CLSTN2: variants seen among roughly 807,000 people sequenced by gnomAD.
CLSTN2 encodes the protein calsyntenin-2.
Under a neutral mutation model 101.2 loss-of-function variants are expected in CLSTN2, and 48 were observed. The ratio of observed to expected loss-of-function variants is 0.47; its 90% confidence interval spans 0.38 to 0.60. The LOEUF is 0.60. Among genes scored for constraint, CLSTN2 ranks in the 20% least tolerant of loss-of-function variants. The probability of loss-of-function intolerance (pLI) is 0.00; values close to 1 mark genes in which losing one functional copy is unlikely to be tolerated. For synonymous variants in CLSTN2, 481 were observed against 463.6 expected, an observed-to-expected ratio of 1.04 and a Z score of -0.48; for missense variants, 1,160 against 1,238.2, an observed-to-expected ratio of 0.94 and a Z score of 0.95.
rs1863859 is a variant in CLSTN2 at position 140,571,366 on chromosome 3, T to C, written c.*5113T>C. On this transcript the variant is annotated 3_prime_UTR_variant, in exon 17 of 17. Coordinates refer to ENST00000458420, the MANE Select transcript of CLSTN2 (RefSeq NM_022131.3). ...GAAGAAAAAAAGACAACTTTTTTTT[T>C]AATCATCCCCACATTTAAATTAACC... is the stretch of plus-strand genomic sequence containing the variant. 6.6e-6 allele frequency: 1 copy of C among 152,252 alleles called. No homozygotes were observed. The highest frequency in any genetic ancestry group is 2.4e-5 in the African/African-American group (1 of 41,464). The allele number at this position is 152,252 out of a possible 1,614,324, so 9.4% of individuals were successfully genotyped here.
chr3:140,181,993 T>A (rs2010415192), intron 2 of CLSTN2, among the ~76,000 whole-genome samples: 1 of 152,214 alleles, frequency 6.6e-6, no homozygotes, highest in Non-Finnish European at 1.5e-5. Context: ...TAAAGAGTGC[T>A]GAATCCCATG....
At chr3:140,017,955 G>T (rs769310724) in intron 1 of CLSTN2, among the ~76,000 whole-genome samples, 1 of 152,216 alleles carries the variant, frequency 6.6e-6, no homozygotes, top group South Asian at 2.1e-4. Context: ...AACTCTGACA[G>T]TGGAGGAAGA....
intron 2 of CLSTN2, among the ~76,000 whole-genome samples, chr3:140,217,372 G>GCTGTAAC (rs1463479761): frequency 6.6e-5 from 10 of 152,274 alleles, no homozygotes; most frequent in African/African-American, 2.2e-4. Context: ...TGCCCAAGGA[G>GCTGTAAC]CTGTAACCTG....
In CLSTN2 at chr3:140,572,273, T is replaced by A. The variant is rs1402501340; in HGVS notation, c.*6020T>A. 1 of 152,248 alleles carries A rather than the reference T, an allele frequency of 6.6e-6. No homozygotes were observed. Among genetic ancestry groups the A allele is most frequent in the Non-Finnish European group, 1.5e-5 (1 of 68,052 alleles). The allele number at this position is 152,248 out of a possible 1,614,324, so 9.4% of individuals were successfully genotyped here. On this transcript the variant is annotated 3_prime_UTR_variant, in exon 17 of 17. Transcript: ENST00000458420. ...GAGCTCTCCAGGGAAGTAGGCAATA[T>A]TTCCCTGAATATTCCTCAATTCCAA...
At chr3:140,465,846 T>G (rs577440788) in intron 7 of CLSTN2, among the ~76,000 whole-genome samples, 2 of 152,214 alleles carry the variant, frequency 1.3e-5, no homozygotes, top group Non-Finnish European at 2.9e-5. Context: ...ACCAACATTA[T>G]GGAACACGCG....
chr3:140,092,735 G>A (rs2008799888), intron 1 of CLSTN2, among the ~76,000 whole-genome samples: 1 of 152,168 alleles, frequency 6.6e-6, no homozygotes, highest in South Asian at 2.1e-4. Flanking sequence ...TACAACACGA[G>A]GGAGTTCCAC....
intron 1 of CLSTN2, among the ~76,000 whole-genome samples, chr3:140,100,031 C>T (rs2008938498): frequency 6.6e-6 from 1 of 152,186 alleles, no homozygotes; most frequent in African/African-American, 2.4e-5. Context: ...TTCCCTCCTC[C>T]TGGGAGGTCA....
At chr3:140,159,497 C>T (rs183755688) in intron 1 of CLSTN2, among the ~76,000 whole-genome samples, 144 of 152,206 alleles carry the variant, frequency 9.5e-4, no homozygotes, top group Non-Finnish European at 1.8e-3. Flanking sequence ...ATTACAATGG[C>T]TATTATAAAA....
At chr3:140,354,176 G>T (rs527956642) in intron 2 of CLSTN2, among the ~76,000 whole-genome samples, 25 of 152,142 alleles carry the variant, frequency 1.6e-4, no homozygotes, top group Admixed American at 6.5e-4. Flanking sequence ...TCTGAAAATG[G>T]CAAATGGAGC....
intron 2 of CLSTN2, among the ~76,000 whole-genome samples, chr3:140,195,809 G>T (rs989455532): frequency 1.1e-4 from 16 of 152,192 alleles, no homozygotes; most frequent in African/African-American, 3.6e-4. Context: ...AGGACTGTGA[G>T]TTTGGTACAC....
chr3:140,499,232 G>T (rs1934524535), intron 8 of CLSTN2, among the ~76,000 whole-genome samples: 1 of 152,198 alleles, frequency 6.6e-6, no homozygotes, highest in African/African-American at 2.4e-5. Context: ...CCCTTACAGA[G>T]TTTGTCATCT....
At chr3:140,534,267 C>G (rs1286366593) in intron 9 of CLSTN2, among the ~76,000 whole-genome samples, 2 of 152,098 alleles carry the variant, frequency 1.3e-5, no homozygotes, top group East Asian at 3.9e-4. Flanking sequence ...TTGCCCTAAT[C>G]ATGTCCCCTT....
intron 5 of CLSTN2, among the ~76,000 whole-genome samples, chr3:140,441,098 G>T (rs2088758576): frequency 6.6e-6 from 1 of 152,204 alleles, no homozygotes; most frequent in Non-Finnish European, 1.5e-5. Flanking sequence ...AGCAGTTAAT[G>T]AAATGTAAAA....
At chr3:140,078,720 A>G (rs964185114) in intron 1 of CLSTN2, among the ~76,000 whole-genome samples, 2 of 152,212 alleles carry the variant, frequency 1.3e-5, no homozygotes, top group African/African-American at 4.8e-5. Flanking sequence ...GGGAAAATCA[A>G]TAGTATTAAC....
At chr3:140,252,037 A>G (rs1288367746) in intron 2 of CLSTN2, among the ~76,000 whole-genome samples, 1 of 152,182 alleles carries the variant, frequency 6.6e-6, no homozygotes, top group Non-Finnish European at 1.5e-5. Flanking sequence ...TTTTCTAAGC[A>G]TGATGGAGAG....
At chr3:140,519,332 TA>T (rs1451484041) in intron 8 of CLSTN2, among the ~76,000 whole-genome samples, 1 of 152,198 alleles carries the variant, frequency 6.6e-6, no homozygotes, top group African/African-American at 2.4e-5. Context: ...AGATAGCTAT[TA>T]GGTCCACTTA....
intron 1 of CLSTN2, among the ~76,000 whole-genome samples, chr3:140,051,951 G>T (rs1369938439): frequency 6.6e-6 from 1 of 152,196 alleles, no homozygotes; most frequent in Non-Finnish European, 1.5e-5. Context: ...TAAGAAGTTT[G>T]CAGGGCAGGC....
chr3:139,998,876 G>A (rs891189927), intron 1 of CLSTN2, among the ~76,000 whole-genome samples: 1 of 152,114 alleles, frequency 6.6e-6, no homozygotes, highest in African/African-American at 2.4e-5. Flanking sequence ...ACACACACAG[G>A]CTACATAAGA....
intron 1 of CLSTN2, among the ~76,000 whole-genome samples, chr3:139,955,692 G>C (rs1398494401): frequency 2.5e-4 from 5 of 19,774 alleles, no homozygotes; most frequent in Non-Finnish European, 7.1e-4. Context: ...TCTCATCTCA[G>C]ATGTGCCTCT....
Sources: gnomAD v4.1 joint callset for allele counts (sites outside exome capture counted in the v4.1 genomes callset) on GRCh38, gnomAD v4.1.1 for gene constraint, MANE v1.5 for transcripts, NCBI Gene and HGNC (gene_info 2026-07-23, HGNC 2026-07-21) for gene names.